Variants in ZNF23 observed in about 807,000 individuals in gnomAD.
The protein encoded by ZNF23 is kruppel-like zinc finger factor X31.
In ZNF23, 48 loss-of-function variants were observed where a neutral mutation model predicts 56.2. That is an observed-to-expected ratio of 0.85 (90% CI 0.68 to 1.09). ZNF23 has a LOEUF of 1.09. Ranked by LOEUF, ZNF23 falls within the 50% of genes least tolerant of loss-of-function variation. ZNF23 has a pLI of 0.00. For missense variants in ZNF23, 805 were observed against 811.4 expected (o/e 0.99, Z 0.10); for synonymous variants, 266 against 283.3 (o/e 0.94, Z 0.61).
intron 1 of ZNF23, among the ~76,000 whole-genome samples, chr16:71,459,250 C>A (rs976631625): frequency 1.9e-4 from 29 of 152,208 alleles, no homozygotes; most frequent in African/African-American, 6.3e-4. Context: ...CCTGTGGGAC[C>A]CCCTTGACCA....
Position 71,448,803 on chromosome 16 carries a change from T to A in ZNF23, c.1351A>T (p.Ile451Phe), listed in dbSNP as rs756358740. ...GKAFSVKGKL[I>F]QHQRIHTGEK... The stretch of plus-strand genomic sequence containing the variant: ...CCTGTGTGAATTCTCTGGTGTTGGA[T>A]TAACTTCCCTTTGACACTGAAGGCT... Residue 451 changes from isoleucine (I) to phenylalanine (F), a missense_variant, in exon 5 of 5, where the codon ATC becomes TTC. Physicochemically the swap from Ile to Phe is conservative, Grantham distance 21. Transcript: ENST00000647773. 6.2e-7 allele frequency: 1 copy of A among 1,614,230 alleles called. No homozygotes were observed. The highest frequency in any genetic ancestry group is 1.1e-5 in the South Asian group (1 of 91,086).
chr16:71,453,290 C>T lies in ZNF23; in HGVS notation c.221G>A (p.Gly74Asp). 1 of 1,608,750 alleles carries T rather than the reference C, an allele frequency of 6.2e-7. No individual in the cohort carries two copies. The highest frequency in any genetic ancestry group is 2.2e-5 in the East Asian group (1 of 44,792). The stretch of plus-strand genomic sequence containing the variant: ...TGTTCCTGCAGCCAGTGGAGATGAG[C>T]CCCCCAGCTCACTTCCTCCCTCCAG... ...SQLEGGSELG[G>D]SSPLAAGTGL... The change falls in exon 4 of 5, where the codon GGC (glycine) becomes GAC (aspartate). Residue 74 changes from glycine (G) to aspartate (D), a missense_variant. By Grantham distance (94) the Gly-to-Asp change is moderately conservative. Coordinates refer to ENST00000647773, the MANE Select transcript of ZNF23 (RefSeq NM_001381984.1).
At chr16:71,461,649 G>T (rs1243534402) in intron 1 of ZNF23, 2 of 152,184 alleles carry the variant, frequency 1.3e-5, no homozygotes, top group Non-Finnish European at 2.9e-5. Flanking sequence ...GAGAAGCAGG[G>T]CTGAGTTACC....
intron 1 of ZNF23, among the ~76,000 whole-genome samples, chr16:71,458,618 G>A (rs1044850695): frequency 6.6e-6 from 1 of 152,158 alleles, no homozygotes; most frequent in Non-Finnish European, 1.5e-5. Flanking sequence ...AAGGTCCTAA[G>A]GTTAAATGAG....
intron 1 of ZNF23, among the ~76,000 whole-genome samples, chr16:71,460,696 C>T (rs1284481257): frequency 6.6e-6 from 1 of 152,164 alleles, no homozygotes; most frequent in Non-Finnish European, 1.5e-5. Context: ...CACGAAGATA[C>T]TAATTAGTAT....
intron 3 of ZNF23, 61 bp downstream of exon 3, chr16:71,453,981 G>C (rs1227547344): frequency 1.3e-6 from 2 of 1,586,460 alleles, no homozygotes; most frequent in Non-Finnish European, 1.7e-6. Flanking sequence ...ACCTGTAAGG[G>C]AGAAGCAAGC....
chr16:71,453,562 G>T, intron 3 of ZNF23: 2 of 530,370 alleles, frequency 3.8e-6, no homozygotes, highest in South Asian at 5.0e-5. Context: ...AAATGTGGGG[G>T]TTGGGGGTGA....
At chr16:71,452,636 G>A (rs1188695648) in intron 4 of ZNF23, 2 of 152,234 alleles carry the variant, frequency 1.3e-5, no homozygotes, top group Non-Finnish European at 2.9e-5. Flanking sequence ...GTGTACAGCT[G>A]TATTCCCCAA....
chr16:71,451,364 A>G (rs1054840839), intron 4 of ZNF23: 8 of 152,162 alleles, frequency 5.3e-5, no homozygotes, highest in African/African-American at 1.7e-4. Flanking sequence ...TTCCCCAGCA[A>G]GCACTTTCTA....
chr16:71,455,723 GC>G (rs2043208043), intron 2 of ZNF23, among the ~76,000 whole-genome samples: 1 of 152,160 alleles, frequency 6.6e-6, no homozygotes, highest in South Asian at 2.1e-4. Flanking sequence ...CCTTGATGAA[GC>G]CCATGTCACG....
intron 1 of ZNF23, among the ~76,000 whole-genome samples, chr16:71,459,014 G>C (rs1244306295): frequency 6.6e-6 from 1 of 152,218 alleles, no homozygotes; most frequent in Non-Finnish European, 1.5e-5. Flanking sequence ...CTCTTAGTTT[G>C]TTCCTTCAGC....
intron 1 of ZNF23, chr16:71,461,662 T>C (rs1567565708): frequency 6.6e-6 from 1 of 152,190 alleles, no homozygotes. Context: ...GAGTTACCTT[T>C]TGGGACTGAC....
Position 71,449,834 on chromosome 16 carries a change from T to C in ZNF23, c.320A>G (p.Glu107Gly). 5 of 1,611,920 alleles carry C rather than the reference T, an allele frequency of 3.1e-6. No homozygotes were observed. Among genetic ancestry groups the C allele is most frequent in the Non-Finnish European group, 4.2e-6 (5 of 1,179,606 alleles). ...DLTKEMYEGK[E>G]NVSFELQRDF... The stretch of plus-strand genomic sequence containing the variant: ...TCTTTGAAGTTCAAATGATACATTC[T>C]CTTTTCCTTCATACATTTCCTTTGT... The change falls in exon 5 of 5, where the codon GAG (glutamate) becomes GGG (glycine). Residue 107 changes from glutamate (E) to glycine (G), a missense_variant. Physicochemically the swap from Glu to Gly is moderately conservative, Grantham distance 98 (BLOSUM62 -2). Coordinates refer to ENST00000647773, the MANE Select transcript of ZNF23 (RefSeq NM_001381984.1).
In ZNF23 at chr16:71,448,674, T is replaced by G. The variant is rs754893318; in HGVS notation, c.1480A>C (p.Asn494His). 1.2e-6 allele frequency: 2 copies of G among 1,613,736 alleles called. No homozygotes were observed. The highest frequency in any genetic ancestry group is 3.3e-5 in the Admixed American group (2 of 59,998). Residue 494 changes from asparagine (N) to histidine (H), a missense_variant, in exon 5 of 5, where the codon AAT becomes CAT. Physicochemically the swap from Asn to His is moderately conservative, Grantham distance 68. Coordinates refer to ENST00000647773, the MANE Select transcript of ZNF23 (RefSeq NM_001381984.1). ...ACGCTGAAGGCCTTTCCACACTCAT[T>G]ACACTCATAGGGCTTCTCCCCAGTG... is the stretch of plus-strand genomic sequence containing the variant. Reference protein sequence around the residue: ...IHTGEKPYECNECGKAFSVNG... With the variant: ...IHTGEKPYECHECGKAFSVNG...
chr16:71,459,248 A>AC (rs1425069795), intron 1 of ZNF23, among the ~76,000 whole-genome samples: 12 of 152,246 alleles, frequency 7.9e-5, no homozygotes, highest in Non-Finnish European at 1.3e-4. Flanking sequence ...CACCTGTGGG[A>AC]CCCCCTTGAC....
intron 1 of ZNF23, among the ~76,000 whole-genome samples, chr16:71,457,955 G>A (rs571275678): frequency 8.5e-5 from 13 of 152,220 alleles, no homozygotes; most frequent in African/African-American, 2.9e-4. Flanking sequence ...GGGAGGCAGC[G>A]CCTGGAGAAG....
rs895306568 is a variant in ZNF23, at chr16:71,456,818, A to G, written c.-22T>C. Reference sequence around the variant, plus strand: ...CCATCCCCTGGTCCCCGTCTCAGAGAAGGGCTGGAGCTAAGGAGAAACACA... The same window carrying G: ...CCATCCCCTGGTCCCCGTCTCAGAGGAGGGCTGGAGCTAAGGAGAAACACA... On this transcript the variant is annotated 5_prime_UTR_variant, in exon 2 of 5. Transcript: ENST00000647773. 1.0e-6 allele frequency: 1 copy of G among 985,022 alleles called. No individual in the cohort carries two copies. The highest frequency in any genetic ancestry group is 1.2e-6 in the Non-Finnish European group (1 of 829,266). 61.0% of individuals were successfully genotyped at this position (985,022 alleles called of 1,614,324 possible). A position where few individuals can be genotyped will look rare whatever the true frequency, so the allele number is the denominator to read the frequency against.
At position 71,448,505 on chromosome 16, in the gene ZNF23, T is replaced by G; in HGVS notation, c.1649A>C (p.Lys550Thr). 6.2e-7 allele frequency: 1 copy of G among 1,614,192 alleles called. No homozygotes were observed. The highest frequency in any genetic ancestry group is 8.5e-7 in the Non-Finnish European group (1 of 1,180,024). The change falls in exon 5 of 5, where the codon AAG (lysine) becomes ACG (threonine). Residue 550 changes from lysine to threonine, a missense_variant. Physicochemically the swap from Lys to Thr is moderately conservative, Grantham distance 78. Transcript: ENST00000647773. ...IHTGEKPYQC[K>T]ECGKAFSINA... is the part of the protein sequence containing the mutation. Reference sequence around the variant, plus strand: ...GATACTGAAGGCTTTCCCACATTCCTTACATTGATAGGGCTTTTCTCCAGT... The same window carrying G: ...GATACTGAAGGCTTTCCCACATTCCGTACATTGATAGGGCTTTTCTCCAGT...
rs1433783533 is a variant in ZNF23 at position 71,449,110 on chromosome 16, C to T, written c.1044G>A (p.Glu348=). 1 of 1,614,212 alleles carries T rather than the reference C, an allele frequency of 6.2e-7. No homozygotes were observed. Among genetic ancestry groups the T allele is most frequent in the Non-Finnish European group, 8.5e-7 (1 of 1,180,036 alleles). ...CACAGTCATTACACTCGTAAGGTTT[C>T]TCTCCAGTGTGGACTCTCTGATGTG... ...YITHQRVHTG[E]KPYECNDCGK... is the part of the protein sequence containing the mutation. Residue 348 remains glutamate, a synonymous_variant, in exon 5 of 5, where the codon GAG becomes GAA. Transcript: ENST00000647773.
Sources: gnomAD v4.1 joint callset for allele counts (sites outside exome capture counted in the v4.1 genomes callset) on GRCh38, gnomAD v4.1.1 for gene constraint, MANE v1.5 for transcripts, NCBI Gene and HGNC (gene_info 2026-07-23, HGNC 2026-07-21) for gene names.